LHFPL3: variants seen among roughly 807,000 people sequenced by gnomAD.
LHFPL3 encodes LHFPL tetraspan subfamily member 3, also known as LHFPL tetraspan subfamily member 3 protein.
In LHFPL3, 5 loss-of-function variants were observed where a neutral mutation model predicts 19.3. That is an observed-to-expected ratio of 0.26 (90% CI 0.14 to 0.54). The LOEUF (loss-of-function observed/expected upper bound fraction) is 0.54, where lower values mean the gene tolerates loss of function less well. Among genes scored for constraint, LHFPL3 ranks in the 20% least tolerant of loss-of-function variants. The probability of loss-of-function intolerance (pLI) is 0.94; values close to 1 mark genes in which losing one functional copy is unlikely to be tolerated. For synonymous variants in LHFPL3, 133 were observed against 126.2 expected (o/e 1.05, Z -0.36); for missense variants, 249 against 307.4 (o/e 0.81, Z 1.42).
At chr7:104,683,005 C>G (rs1001643218) in intron 1 of LHFPL3, among the ~76,000 whole-genome samples, 1 of 151,648 alleles carries the variant, frequency 6.6e-6, no homozygotes, top group African/African-American at 2.4e-5. Context: ...ATTTTTTTTC[C>G]TTGAGATGAA....
chr7:104,424,071 G>A (rs974448323), intron 1 of LHFPL3, among the ~76,000 whole-genome samples: 5 of 152,084 alleles, frequency 3.3e-5, no homozygotes, highest in African/African-American at 4.8e-5. Context: ...CGTATCACTC[G>A]ACTAGTGCTT....
intron 2 of LHFPL3, among the ~76,000 whole-genome samples, chr7:104,857,785 T>C (rs990023789): frequency 8.5e-5 from 13 of 152,194 alleles, no homozygotes; most frequent in African/African-American, 2.9e-4. Context: ...TTCTGGATGA[T>C]GGTAAAATTT....
At chr7:104,728,069 T>TG (rs1317066651) in intron 1 of LHFPL3, among the ~76,000 whole-genome samples, 1 of 152,128 alleles carries the variant, frequency 6.6e-6, no homozygotes, top group Non-Finnish European at 1.5e-5. Context: ...GCTTGGGATG[T>TG]GGGTCAAAGA....
At chr7:104,852,505 C>T (rs1485627294) in intron 2 of LHFPL3, among the ~76,000 whole-genome samples, 1 of 152,212 alleles carries the variant, frequency 6.6e-6, no homozygotes. Context: ...TAGGAAGAAT[C>T]CTGTTTGGGA....
intron 1 of LHFPL3, among the ~76,000 whole-genome samples, chr7:104,582,356 A>C (rs1429208419): frequency 6.6e-6 from 1 of 151,938 alleles, no homozygotes; most frequent in Non-Finnish European, 1.5e-5. Flanking sequence ...GAATTCTAAT[A>C]ATTGTATTTA....
intron 2 of LHFPL3, chr7:104,752,922 C>T (rs562896102): frequency 4.5e-4 from 151 of 332,932 alleles, no homozygotes; most frequent in Non-Finnish European, 6.3e-4. Context: ...TATCTTACAT[C>T]AGTGTGGTCC....
rs528222503 is a variant in LHFPL3, at chr7:104,499,267, A to G, written c.445+170043A>G. On this transcript the variant is annotated intron_variant, in intron 1 of 2. Coordinates refer to ENST00000424859, the MANE Select transcript of LHFPL3 (RefSeq NM_199000.3). ...TAGAAACACCACTTAACCTTCATCT[A>G]CCTATTTGCTCATTTGCAAAATGAA... Among the ~76,000 whole-genome samples, 18 of 152,314 alleles carry G rather than the reference A, an allele frequency of 1.2e-4. No individual in the cohort carries two copies. The East Asian group carries it at 3.3e-3, about 28-fold the overall frequency.
At chr7:104,375,772 T>C (rs981231991) in intron 1 of LHFPL3, among the ~76,000 whole-genome samples, 4 of 152,248 alleles carry the variant, frequency 2.6e-5, no homozygotes, top group Non-Finnish European at 5.9e-5. Context: ...AAAGGGTTTC[T>C]GAAGGTGAAT....
chr7:104,775,843 C>A (rs1794627689), intron 2 of LHFPL3, among the ~76,000 whole-genome samples: 1 of 97,050 alleles, frequency 1.0e-5, no homozygotes, highest in Non-Finnish European at 2.1e-5. Flanking sequence ...CCTGGGAGTT[C>A]TTTTCTGTCT....
At chr7:104,724,699 A>AC (rs1195839146) in intron 1 of LHFPL3, among the ~76,000 whole-genome samples, 1 of 152,286 alleles carries the variant, frequency 6.6e-6, no homozygotes, top group Middle Eastern at 3.4e-3. Flanking sequence ...TGTACAACAA[A>AC]CCCCATGACA....
At chr7:104,541,808 T>G (rs1562929665) in intron 1 of LHFPL3, among the ~76,000 whole-genome samples, 1 of 152,080 alleles carries the variant, frequency 6.6e-6, no homozygotes, top group Admixed American at 6.6e-5. Context: ...CCGGATGGTA[T>G]TTGAAACCCT....
intron 1 of LHFPL3, among the ~76,000 whole-genome samples, chr7:104,671,571 C>CA (rs34805741): frequency 0.51 from 63,373 of 124,890 alleles, 14,887 homozygotes; most frequent in South Asian, 0.65. Context: ...CTTTAAAGTT[C>CA]AAAAAAAAAA....
chr7:104,804,859 T>C (rs1169026923), intron 2 of LHFPL3, among the ~76,000 whole-genome samples: 1 of 152,230 alleles, frequency 6.6e-6, no homozygotes, highest in African/African-American at 2.4e-5. Context: ...GATCCAGCCA[T>C]GTCCAACTCC....
chr7:104,479,409 T>TG (rs1443013350), intron 1 of LHFPL3, among the ~76,000 whole-genome samples: 1 of 145,682 alleles, frequency 6.9e-6, no homozygotes, highest in Non-Finnish European at 1.5e-5. Context: ...TTTTTTTTTT[T>TG]GAGACAAAGT....
intron 1 of LHFPL3, among the ~76,000 whole-genome samples, chr7:104,348,632 C>T (rs2116383855): frequency 6.6e-6 from 1 of 152,316 alleles, no homozygotes; most frequent in East Asian, 1.9e-4. Context: ...CAAGTAAACA[C>T]TAACACATTT....
At chr7:104,732,235 T>C (rs1793718454) in intron 1 of LHFPL3, among the ~76,000 whole-genome samples, 1 of 152,242 alleles carries the variant, frequency 6.6e-6, no homozygotes, top group South Asian at 2.1e-4. Context: ...GGTGCTGGCC[T>C]CATAAAATGA....
chr7:104,651,426 C>T (rs377236639), intron 1 of LHFPL3, among the ~76,000 whole-genome samples: 6 of 152,198 alleles, frequency 3.9e-5, no homozygotes, highest in African/African-American at 9.7e-5. Context: ...TATGTTTGTG[C>T]GCAGCCCTGG....
intron 1 of LHFPL3, among the ~76,000 whole-genome samples, chr7:104,665,691 G>T (rs1010253320): frequency 2.0e-5 from 3 of 152,194 alleles, no homozygotes; most frequent in Non-Finnish European, 4.4e-5. Context: ...GCTTAAATGC[G>T]TTTTTTATCT....
rs74301008 is a variant in LHFPL3, at chr7:104,586,108, A to G, written c.446-150567A>G. Among the ~76,000 whole-genome samples the G allele has an allele frequency of 4.1e-3, 626 of 152,290 alleles. 35 individuals are homozygous for G. The East Asian group carries it at 0.1, about 24-fold the overall frequency. On this transcript the variant is annotated intron_variant, in intron 1 of 2. Coordinates refer to ENST00000424859, the MANE Select transcript of LHFPL3 (RefSeq NM_199000.3). ...TCTGAATTAGGATATCAGAACGTCC[A>G]TAAATTGTGGGGAAAGTGAACCATG...
Sources: gnomAD v4.1 joint callset for allele counts (sites outside exome capture counted in the v4.1 genomes callset) on GRCh38, gnomAD v4.1.1 for gene constraint, MANE v1.5 for transcripts, NCBI Gene and HGNC (gene_info 2026-07-23, HGNC 2026-07-21) for gene names.